Variants in RALYL observed in about 807,000 individuals in gnomAD.
RALYL encodes RALY RNA binding protein like, also known as RNA-binding Raly-like protein.
RALYL carries 29 observed loss-of-function variants against 35.1 expected under a neutral mutation model. The observed-to-expected ratio is 0.83, with a 90% CI of 0.61 to 1.13. The LOEUF (loss-of-function observed/expected upper bound fraction) is 1.13, where lower values mean the gene tolerates loss of function less well. Among genes scored for constraint, RALYL ranks in the 50% most tolerant of loss-of-function variants. The pLI is 0.00. For synonymous variants in RALYL, 120 were observed against 127.6 expected, an observed-to-expected ratio of 0.94 and a Z score of 0.40; for missense variants, 359 against 360.4, an observed-to-expected ratio of 1.00 and a Z score of 0.03.
chr8:84,777,533 A>G (rs2133641973), intron 3 of RALYL, among the ~76,000 whole-genome samples: 1 of 152,334 alleles, frequency 6.6e-6, no homozygotes, highest in East Asian at 1.9e-4. Context: ...AGTTGCATAA[A>G]TGAGGTAAAA....
intron 1 of RALYL, among the ~76,000 whole-genome samples, chr8:84,508,647 A>G (rs2057365220): frequency 6.6e-6 from 1 of 152,044 alleles, no homozygotes; most frequent in Non-Finnish European, 1.5e-5. Context: ...TGCACAAATT[A>G]TATACATATA....
Position 84,322,627 on chromosome 8 carries a change from T to G in RALYL, c.-24+138203T>G, listed in dbSNP as rs1450654866. ...CCAAGACTTGACTTTGTTGACTCTTTAAATATGGAGTCAAGGTACCTTTTG... is the reference window on the plus strand; with the variant it reads ...CCAAGACTTGACTTTGTTGACTCTTGAAATATGGAGTCAAGGTACCTTTTG... On this transcript the variant is annotated intron_variant, in intron 1 of 8. Transcript: ENST00000521268. Among the ~76,000 whole-genome samples the G allele has an allele frequency of 2.0e-5, 3 of 152,110 alleles. No individual in the cohort carries two copies. The East Asian group carries it at 5.8e-4, about 29-fold the overall frequency.
intron 3 of RALYL, among the ~76,000 whole-genome samples, chr8:84,795,780 T>C (rs1341467241): frequency 6.6e-6 from 1 of 152,192 alleles, no homozygotes; most frequent in Admixed American, 6.5e-5. Flanking sequence ...CAACATGATG[T>C]TCCCAGCAGC....
chr8:84,625,002 A>G (rs1043938675), intron 2 of RALYL, among the ~76,000 whole-genome samples: 1 of 152,224 alleles, frequency 6.6e-6, no homozygotes, highest in East Asian at 1.9e-4. Context: ...AAAGTCACAG[A>G]GTACACAGAA....
chr8:84,290,200 C>T (rs1563676496), intron 1 of RALYL, among the ~76,000 whole-genome samples: 1 of 152,152 alleles, frequency 6.6e-6, no homozygotes, highest in Non-Finnish European at 1.5e-5. Flanking sequence ...CCAGCAACAA[C>T]CACCCACCTA....
intron 2 of RALYL, among the ~76,000 whole-genome samples, chr8:84,713,902 C>A (rs1332994824): frequency 6.6e-6 from 1 of 150,740 alleles, no homozygotes; most frequent in Non-Finnish European, 1.5e-5. Flanking sequence ...AATATCATAT[C>A]TCAGACATAT....
At chr8:84,193,938 C>T (rs529783618) in intron 1 of RALYL, among the ~76,000 whole-genome samples, 1 of 152,160 alleles carries the variant, frequency 6.6e-6, no homozygotes, top group South Asian at 2.1e-4. Flanking sequence ...GCAAGGGCAG[C>T]TCTACGAGAT....
chr8:84,406,831 A>T (rs2043546952), intron 1 of RALYL, among the ~76,000 whole-genome samples: 1 of 152,102 alleles, frequency 6.6e-6, no homozygotes, highest in Non-Finnish European at 1.5e-5. Context: ...ATAATGGGTG[A>T]TTACACTGTC....
At chr8:84,532,786 T>G (rs2059358240) in intron 2 of RALYL, among the ~76,000 whole-genome samples, 1 of 152,068 alleles carries the variant, frequency 6.6e-6, no homozygotes. Flanking sequence ...TAAACATCAG[T>G]AGTACCAGGA....
intron 1 of RALYL, among the ~76,000 whole-genome samples, chr8:84,481,189 G>A (rs1057115132): frequency 2.0e-5 from 3 of 152,040 alleles, no homozygotes; most frequent in East Asian, 1.9e-4. Context: ...TATAAATTAC[G>A]TTCTTCTAAA....
At position 84,887,615 on chromosome 8, in the gene RALYL, A is replaced by C; in HGVS notation, c.697A>C (p.Lys233Gln). Residue 233 changes from lysine to glutamine, a missense_variant, in exon 8 of 9, where the codon AAG becomes CAG. Coordinates refer to ENST00000521268, the MANE Select transcript of RALYL (RefSeq NM_173848.7). ...TCTCCCCCCCCCAGAAGCTCAGAAGAAGCAATTGGAAGAGAGTCTAGTGCT... is the reference window on the plus strand; with the variant it reads ...TCTCCCCCCCCCAGAAGCTCAGAAGCAGCAATTGGAAGAGAGTCTAGTGCT... ...QQKAEAEAQKKQLEESLVLIQ... is the reference protein window; with the variant it reads ...QQKAEAEAQKQQLEESLVLIQ... 6.3e-7 allele frequency: 1 copy of C among 1,596,288 alleles called. No individual in the cohort carries two copies. Among genetic ancestry groups the C allele is most frequent in the Non-Finnish European group, 8.6e-7 (1 of 1,168,768 alleles).
intron 2 of RALYL, among the ~76,000 whole-genome samples, chr8:84,559,727 T>G (rs1277614345): frequency 6.6e-6 from 1 of 152,028 alleles, no homozygotes; most frequent in Non-Finnish European, 1.5e-5. Flanking sequence ...ATTTCAGGAT[T>G]TAAGGGGCTC....
intron 1 of RALYL, among the ~76,000 whole-genome samples, chr8:84,319,620 C>A (rs898742485): frequency 2.0e-5 from 3 of 152,090 alleles, no homozygotes; most frequent in African/African-American, 4.8e-5. Context: ...CTTTCCACTT[C>A]TTTAATCATA....
At chr8:84,359,295 TA>T (rs1302057177) in intron 1 of RALYL, among the ~76,000 whole-genome samples, 1 of 151,850 alleles carries the variant, frequency 6.6e-6, no homozygotes, top group East Asian at 1.9e-4. Flanking sequence ...TATTATCTTT[TA>T]GGTTTCTACT....
chr8:84,693,437 A>G (rs949052049), intron 2 of RALYL, among the ~76,000 whole-genome samples: 16 of 151,960 alleles, frequency 1.1e-4, no homozygotes, highest in Non-Finnish European at 1.3e-4. Context: ...TATCACAAGA[A>G]TAGCATGGAA....
chr8:84,638,706 C>G (rs879751319), intron 2 of RALYL, among the ~76,000 whole-genome samples: 3 of 150,178 alleles, frequency 2.0e-5, no homozygotes, highest in Non-Finnish European at 4.4e-5. Flanking sequence ...ATGCAGTGTA[C>G]AGTGGCAATA....
At chr8:84,672,533 T>G (rs1249524657) in intron 2 of RALYL, among the ~76,000 whole-genome samples, 1 of 152,192 alleles carries the variant, frequency 6.6e-6, no homozygotes, top group African/African-American at 2.4e-5. Flanking sequence ...ATTAGTCCAT[T>G]TTCATATTGC....
intron 1 of RALYL, among the ~76,000 whole-genome samples, chr8:84,445,058 A>C (rs1167660787): frequency 1.3e-5 from 2 of 152,186 alleles, no homozygotes; most frequent in East Asian, 3.9e-4. Context: ...GGTGGAAATA[A>C]ATTGCCATTT....
At position 84,576,539 on chromosome 8, in the gene RALYL, T is replaced by A. The variant is rs569945191; in HGVS notation, c.256+46962T>A. 1.2e-4 allele frequency among the ~76,000 whole-genome samples: 19 copies of A among 152,230 alleles called. No individual in the cohort carries two copies. The South Asian group carries it at 3.3e-3, about 27-fold the overall frequency. The stretch of plus-strand genomic sequence containing the variant: ...CATTTGCTCTTCAGGTTGACACAGG[T>A]GCCACCACTCCCTCTAGCACACAGT... On this transcript the variant is annotated intron_variant, in intron 2 of 8. Coordinates refer to ENST00000521268, the MANE Select transcript of RALYL (RefSeq NM_173848.7).
Sources: allele counts gnomAD v4.1 joint callset (sites outside exome capture counted in the v4.1 genomes callset), GRCh38; gene constraint gnomAD v4.1.1; transcripts MANE v1.5; gene names NCBI Gene and HGNC (gene_info 2026-07-23, HGNC 2026-07-21).